MROH2B: variants seen among roughly 807,000 people sequenced by gnomAD.
The protein encoded by MROH2B is maestro heat like repeat family member 2B.
MROH2B carries 177 observed loss-of-function variants against 208.6 expected under a neutral mutation model. The observed-to-expected ratio is 0.85, with a 90% CI of 0.75 to 0.96. MROH2B has a LOEUF of 0.96. Ranked by LOEUF, MROH2B falls within the 40% of genes least tolerant of loss-of-function variation. The probability of loss-of-function intolerance (pLI) is 0.00; values close to 1 mark genes in which losing one functional copy is unlikely to be tolerated. For synonymous variants in MROH2B, 728 were observed against 659.0 expected, an observed-to-expected ratio of 1.10 and a Z score of -1.60; for missense variants, 2,002 against 1,878.7, an observed-to-expected ratio of 1.07 and a Z score of -1.21.
rs534181451 is a variant in MROH2B at position 41,016,346 on chromosome 5, G to A, written c.2885-868C>T. Among the ~76,000 whole-genome samples the A allele has an allele frequency of 7.2e-5, 11 of 152,012 alleles. No homozygotes were observed. In the South Asian group the frequency reaches 1.9e-3, roughly 26 times the overall value. ...TCGATGTAAATTATAAAGTATGGGC[G>A]TTCTATTAACAAAGAGTGTTTGAGG... is the stretch of plus-strand genomic sequence containing the variant. On this transcript the variant is annotated intron_variant, in intron 28 of 41. Transcript: ENST00000399564.
chr5:41,070,842 CTAAG>C lies in MROH2B; in HGVS notation c.7_10del (p.Leu3ValfsTer6), dbSNP rs1561312261. On this transcript the variant is annotated frameshift_variant, in exon 1 of 42. Transcript: ENST00000399564. LOFTEE classifies it high-confidence loss of function. ...ATGCTTACCTATGGATTCCTCTGTACTAAGTGTCATGTCTTGGCTGTTTCAGGGT... is the reference window on the plus strand; with the variant it reads ...ATGCTTACCTATGGATTCCTCTGTACTGTCATGTCTTGGCTGTTTCAGGGT... 1.9e-6 allele frequency: 3 copies of C among 1,611,190 alleles called. No individual in the cohort carries two copies. Among genetic ancestry groups the C allele is most frequent in the Non-Finnish European group, 2.5e-6 (3 of 1,178,590 alleles).
intron 24 of MROH2B, among the ~76,000 whole-genome samples, chr5:41,022,535 T>C (rs988718870): frequency 2.6e-5 from 4 of 151,974 alleles, no homozygotes; most frequent in Non-Finnish European, 5.9e-5. Flanking sequence ...CTTGAGTAGG[T>C]AAACAAAACG....
At chr5:41,060,539 A>G (rs976141570) in intron 6 of MROH2B, among the ~76,000 whole-genome samples, 1 of 151,746 alleles carries the variant, frequency 6.6e-6, no homozygotes, top group African/African-American at 2.4e-5. Context: ...CCCATTTTCA[A>G]CCTCTGCCTC....
In MROH2B at chr5:41,040,943, T is replaced by C. The variant is rs553073376; in HGVS notation, c.1953+1149A>G. Among the ~76,000 whole-genome samples the C allele has an allele frequency of 6.6e-5, 10 of 152,224 alleles. No individual in the cohort carries two copies. The East Asian group carries it at 1.7e-3, about 26-fold the overall frequency. On this transcript the variant is annotated intron_variant, in intron 19 of 41. Transcript: ENST00000399564. ...GCCTCCCAAAGTGCTGGGATTACAG[T>C]TGTGAACCACTGTGCCCGGCCATGA...
chr5:41,027,887 A>G (rs1309983547), intron 24 of MROH2B, among the ~76,000 whole-genome samples: 2 of 152,188 alleles, frequency 1.3e-5, no homozygotes, highest in Non-Finnish European at 2.9e-5. Context: ...TGTCCTTTGT[A>G]GGGACATGGA....
chr5:41,015,082 C>T (rs143379678), intron 29 of MROH2B, among the ~76,000 whole-genome samples: 117 of 152,304 alleles, frequency 7.7e-4, no homozygotes, highest in Non-Finnish European at 1.5e-3. Context: ...GGAGACTGAA[C>T]TTCAATCAGT....
chr5:41,062,044 G>A (rs771723424), intron 5 of MROH2B, among the ~76,000 whole-genome samples: 1 of 148,898 alleles, frequency 6.7e-6, no homozygotes, highest in Non-Finnish European at 1.5e-5. Flanking sequence ...GAACTCTTTG[G>A]CACTATCTAG....
chr5:41,065,400 T>C lies in MROH2B; in HGVS notation c.292A>G (p.Asn98Asp), dbSNP rs1240640933. The C allele has an allele frequency of 2.5e-6, 4 of 1,613,490 alleles. No homozygotes were observed. In the South Asian group the frequency reaches 3.3e-5, roughly 13 times the overall value. Residue 98 changes from asparagine to aspartate, a missense_variant, in exon 4 of 42, where the codon AAC becomes GAC. Physicochemically the swap from Asn to Asp is conservative, Grantham distance 23. Coordinates refer to ENST00000399564, the MANE Select transcript of MROH2B (RefSeq NM_173489.5). The part of the protein sequence containing the change: ...FNSVMYEVQS[N>D]FRILELPDEF... ...TCTGGTAGCTCTAAGATCCTGAAGT[T>C]ACTTTGTACTTCATACATCACAGAG...
chr5:41,043,128 A>G (rs540653047), intron 18 of MROH2B, among the ~76,000 whole-genome samples: 1 of 152,348 alleles, frequency 6.6e-6, no homozygotes, highest in African/African-American at 2.4e-5. Flanking sequence ...AGGAAAGGAA[A>G]TTCTAATAGA....
At position 41,005,413 on chromosome 5, in the gene MROH2B, A is replaced by AT. The variant is rs35848875; in HGVS notation, c.3864+117_3864+118insA. The AT allele has an allele frequency of 3.4e-5, 7 of 204,604 alleles. 2 individuals carry two copies. Among genetic ancestry groups the AT allele is most frequent in the Admixed American group, 1.3e-4 (2 of 15,700 alleles). The allele number at this position is 204,604 out of a possible 1,614,324, so 12.7% of individuals were successfully genotyped here. A position where few individuals can be genotyped will look rare whatever the true frequency, so the allele number is the denominator to read the frequency against. On this transcript the variant is annotated intron_variant, in intron 35 of 41. Transcript: ENST00000399564. ...CAGTAGCTGGTCTCTCCTCTATGAAACCCCCCCCCCCCTTGAAGTCTCTCT... is the reference window on the plus strand; with the variant it reads ...CAGTAGCTGGTCTCTCCTCTATGAAATCCCCCCCCCCCCTTGAAGTCTCTCT...
intron 24 of MROH2B, among the ~76,000 whole-genome samples, chr5:41,023,255 G>A (rs1742222515): frequency 6.6e-6 from 1 of 152,136 alleles, no homozygotes; most frequent in Non-Finnish European, 1.5e-5. Flanking sequence ...AGCTAAAGGA[G>A]GAAGTTCGAA....
intron 24 of MROH2B, among the ~76,000 whole-genome samples, chr5:41,030,606 G>A (rs1742534595): frequency 6.6e-6 from 1 of 151,794 alleles, no homozygotes; most frequent in Non-Finnish European, 1.5e-5. Flanking sequence ...ATTTTTCATA[G>A]GATATAGGAA....
chr5:41,033,992 G>T, intron 21 of MROH2B, 128 bp from the exon 22 acceptor site: 1 of 1,334,502 alleles, frequency 7.5e-7, no homozygotes, highest in Non-Finnish European at 9.8e-7. Flanking sequence ...CCTTGCCAAG[G>T]GGGGTCTTGC....
Position 41,047,774 on chromosome 5 carries a change from A to G in MROH2B, c.1685-10T>C. 6.3e-7 allele frequency: 1 copy of G among 1,579,684 alleles called. No homozygotes were observed. Among genetic ancestry groups the G allele is most frequent in the East Asian group, 2.3e-5 (1 of 43,620 alleles). On this transcript the variant is annotated splice_polypyrimidine_tract_variant and intron_variant, in intron 16 of 41. Coordinates refer to ENST00000399564, the MANE Select transcript of MROH2B (RefSeq NM_173489.5). ...GTACTGATGTTCTTTCCTAGAAACAAAAATTGATGTAATAATCGCAAAAAA... is the reference window on the plus strand; with the variant it reads ...GTACTGATGTTCTTTCCTAGAAACAGAAATTGATGTAATAATCGCAAAAAA...
chr5:41,019,161 G>A, intron 24 of MROH2B, 143 bp from the exon 25 acceptor site: 1 of 998,042 alleles, frequency 1.0e-6, no homozygotes, highest in South Asian at 1.6e-5. Context: ...TGAGAAAGGT[G>A]GTGACAGGAG....
rs773256355 is a variant in MROH2B at position 41,061,595 on chromosome 5, C to G, written c.590G>C (p.Trp197Ser). ...FMLFWYIMEKWAPLASPMQTL... is the reference protein window; with the variant it reads ...FMLFWYIMEKSAPLASPMQTL... ...CTGCATGGGTGAGGCCAAAGGGGCC[C>G]ACTTCTCCATTATATACCAGAACAG... The change falls in exon 6 of 42, where the codon TGG becomes TCG. Residue 197 changes from tryptophan (W) to serine (S), a missense_variant. Trp to Ser is a radical substitution (Grantham distance 177, BLOSUM62 -3). Transcript: ENST00000399564. The G allele has an allele frequency of 6.2e-7, 1 of 1,613,406 alleles. No individual in the cohort carries two copies.
At chr5:41,025,670 C>T (rs1379952946) in intron 24 of MROH2B, among the ~76,000 whole-genome samples, 1 of 152,174 alleles carries the variant, frequency 6.6e-6, no homozygotes, top group Non-Finnish European at 1.5e-5. Context: ...AGGGAATCCT[C>T]CCTAACTCAT....
rs549101906 is a variant in MROH2B at position 41,004,880 on chromosome 5, C to T, written c.3905G>A (p.Arg1302Gln). ...TTGATCCATCAAGATCAGCACATTT[C>T]GCAGATTCCCATGCTTCCAAAGGAT... ...EPILWKHGNL[R>Q]NVLILMDQSA... The change falls in exon 36 of 42, where the codon CGA becomes CAA. Residue 1302 changes from arginine (R) to glutamine (Q), a missense_variant. Transcript: ENST00000399564. 1 of 1,613,980 alleles carries T rather than the reference C, an allele frequency of 6.2e-7. No individual in the cohort carries two copies.
chr5:41,027,992 A>T (rs189730276), intron 24 of MROH2B, among the ~76,000 whole-genome samples: 31 of 152,108 alleles, frequency 2.0e-4, no homozygotes, highest in Admixed American at 1.4e-3. Flanking sequence ...GAACAATGAG[A>T]ACACTTGGAA....
Sources: gnomAD v4.1 joint callset for allele counts (sites outside exome capture counted in the v4.1 genomes callset) on GRCh38, gnomAD v4.1.1 for gene constraint, MANE v1.5 for transcripts, NCBI Gene and HGNC (gene_info 2026-07-23, HGNC 2026-07-21) for gene names.